Variants in HYKK observed in about 807,000 individuals in gnomAD.
HYKK encodes the protein hydroxylysine kinase.
A neutral mutation model predicts 29.7 loss-of-function variants in HYKK; 19 were observed. The observed-to-expected ratio is 0.64, with a 90% CI of 0.45 to 0.94. The LOEUF (loss-of-function observed/expected upper bound fraction) is 0.94. Ranked by LOEUF, HYKK falls within the 40% of genes least tolerant of loss-of-function variation. The pLI is 0.00. For missense variants in HYKK, 390 were observed against 443.4 expected, an observed-to-expected ratio of 0.88 and a Z score of 1.08; for synonymous variants, 152 against 158.1, an observed-to-expected ratio of 0.96 and a Z score of 0.29.
chr15:78,525,560 C>T (rs572409997), intron 3 of HYKK, among the ~76,000 whole-genome samples: 20 of 151,868 alleles, frequency 1.3e-4, no homozygotes, highest in African/African-American at 1.7e-4. Context: ...TGCAGTGGCG[C>T]GATCTCAGCT....
intron 4 of HYKK, among the ~76,000 whole-genome samples, chr15:78,530,089 G>C (rs529156198): frequency 1.3e-5 from 2 of 151,998 alleles, no homozygotes; most frequent in Non-Finnish European, 2.9e-5. Flanking sequence ...TCCCACCTTA[G>C]CTTCCCAAAG....
chr15:78,530,381 T>C (rs1458114877), intron 4 of HYKK, among the ~76,000 whole-genome samples: 4 of 152,038 alleles, frequency 2.6e-5, no homozygotes, highest in African/African-American at 9.7e-5. Context: ...TTTTGTATTA[T>C]TATTCATGGG....
At chr15:78,508,159 CTT>C (rs1426003243) in intron 1 of HYKK, among the ~76,000 whole-genome samples, 1 of 152,190 alleles carries the variant, frequency 6.6e-6, no homozygotes, top group Non-Finnish European at 1.5e-5. Flanking sequence ...GCACTGTTGT[CTT>C]TGAAAAACTG....
rs900308817 is a variant in HYKK, at chr15:78,529,900, C to T, written c.661+2337C>T. Among the ~76,000 whole-genome samples, 64 of 151,796 alleles carry T rather than the reference C, an allele frequency of 4.2e-4. 1 individual carries two copies. Among genetic ancestry groups the T allele is most frequent in the Non-Finnish European group, 1.8e-4 (12 of 67,986 alleles). On this transcript the variant is annotated intron_variant, in intron 4 of 4. Transcript: ENST00000388988. ...TCACCCAGGCTGGAGTGCAGTGGTACGATCACAGCTCACTGCAGCTTCGAC... is the reference window on the plus strand; with the variant it reads ...TCACCCAGGCTGGAGTGCAGTGGTATGATCACAGCTCACTGCAGCTTCGAC...
At chr15:78,523,316 G>A (rs539358173) in intron 3 of HYKK, among the ~76,000 whole-genome samples, 4 of 152,150 alleles carry the variant, frequency 2.6e-5, no homozygotes, top group Non-Finnish European at 5.9e-5. Context: ...GAGAGAGCAA[G>A]CCGGGGGTGC....
intron 4 of HYKK, among the ~76,000 whole-genome samples, chr15:78,531,453 T>G (rs1427623918): frequency 6.6e-6 from 1 of 152,188 alleles, no homozygotes; most frequent in Non-Finnish European, 1.5e-5. Flanking sequence ...AAAGCACATG[T>G]TAAAGTATAT....
At chr15:78,523,475 G>A (rs1390763833) in intron 3 of HYKK, among the ~76,000 whole-genome samples, 3 of 152,194 alleles carry the variant, frequency 2.0e-5, no homozygotes, top group Non-Finnish European at 4.4e-5. Flanking sequence ...GGGGATTACA[G>A]TTTGGCATGA....
downstream of HYKK, chr15:78,537,366 A>T: frequency 1.6e-6 from 1 of 606,118 alleles, no homozygotes; most frequent in South Asian, 2.1e-5. Flanking sequence ...GTAAGAATGA[A>T]CACACCACTA....
intron 1 of HYKK, among the ~76,000 whole-genome samples, chr15:78,510,249 C>T (rs911769930): frequency 2.0e-5 from 3 of 151,922 alleles, no homozygotes; most frequent in Admixed American, 6.6e-5. Flanking sequence ...GTGACGCAGT[C>T]TCATCTCACT....
chr15:78,523,215 G>A lies in HYKK; in HGVS notation c.478-4165G>A, dbSNP rs564561145. Among the ~76,000 whole-genome samples, 4 of 152,302 alleles carry A rather than the reference G, an allele frequency of 2.6e-5. No homozygotes were observed. The South Asian group carries it at 8.3e-4, about 32-fold the overall frequency. ...TGCAGGCTGTACAGAAAGCATAGTG[G>A]CTTCTGCTTCTGAGGAGGCCTCAGG... On this transcript the variant is annotated intron_variant, in intron 3 of 4. Transcript: ENST00000388988.
At position 78,534,728 on chromosome 15, in the gene HYKK, G is replaced by T. The variant is rs941975106; in HGVS notation, c.*1058G>T. ...AAAAAATTTTAACTTGTCTGAGAGGGTGGTTGAAACTGGAACTCCAGAGAT... is the reference window on the plus strand; with the variant it reads ...AAAAAATTTTAACTTGTCTGAGAGGTTGGTTGAAACTGGAACTCCAGAGAT... On this transcript the variant is annotated 3_prime_UTR_variant, in exon 5 of 5. Coordinates refer to ENST00000388988, the MANE Select transcript of HYKK (RefSeq NM_001013619.4). 6.6e-6 allele frequency: 1 copy of T among 152,176 alleles called. No individual in the cohort carries two copies. The highest frequency in any genetic ancestry group is 1.5e-5 in the Non-Finnish European group (1 of 68,044). 9.4% of individuals were successfully genotyped at this position (152,176 alleles called of 1,614,324 possible).
At chr15:78,522,891 GAAAA>G (rs1028494554) in intron 3 of HYKK, among the ~76,000 whole-genome samples, 4 of 151,444 alleles carry the variant, frequency 2.6e-5, no homozygotes, top group South Asian at 2.1e-4. Context: ...AAAAAAAAAA[GAAAA>G]AAGAGAGAGA....
intron 1 of HYKK, among the ~76,000 whole-genome samples, chr15:78,512,697 C>T (rs2052086852): frequency 6.6e-6 from 1 of 152,074 alleles, no homozygotes; most frequent in Admixed American, 6.6e-5. Flanking sequence ...CCACCACGTC[C>T]AGCCCCAGAG....
At chr15:78,519,824 A>G (rs1383389577) in intron 3 of HYKK, among the ~76,000 whole-genome samples, 4 of 152,218 alleles carry the variant, frequency 2.6e-5, no homozygotes, top group Non-Finnish European at 2.9e-5. Flanking sequence ...AAGTCTGTCT[A>G]CCTTCCTCAG....
At chr15:78,517,109 C>CTTTTT (rs34680285) in intron 3 of HYKK, among the ~76,000 whole-genome samples, 273 of 108,372 alleles carry the variant, frequency 2.5e-3, no homozygotes, top group Middle Eastern at 5.7e-3. Flanking sequence ...TTCTTTCTTT[C>CTTTTT]TTTTTTTTTT....
chr15:78,517,752 C>A (rs1397261563), intron 3 of HYKK, among the ~76,000 whole-genome samples: 1 of 152,106 alleles, frequency 6.6e-6, no homozygotes, highest in East Asian at 1.9e-4. Context: ...GCTTTTACTA[C>A]TTGATAGATG....
rs79093205 is a variant in HYKK, at chr15:78,526,031, G to A, written c.478-1349G>A. ...TCTCAACTGTGGGTCACAAGATCCA[G>A]GTCCTCCCTCAGCCTTATAATAACA... is the stretch of plus-strand genomic sequence containing the variant. On this transcript the variant is annotated intron_variant, in intron 3 of 4. Transcript: ENST00000388988. Among the ~76,000 whole-genome samples, 1,405 of 152,244 alleles carry A rather than the reference G, an allele frequency of 9.2e-3. 135 individuals carry two copies. The East Asian group carries it at 0.24, about 26-fold the overall frequency.
At chr15:78,514,924 ATAT>A in intron 2 of HYKK, 41 bp from the exon 3 acceptor site, 1 of 760,484 alleles carries the variant, frequency 1.3e-6, no homozygotes, top group Non-Finnish European at 1.8e-6. Context: ...ATATATATAT[ATAT>A]AAATAATTTA....
At chr15:78,509,114 CAT>C (rs1337693426) in intron 1 of HYKK, among the ~76,000 whole-genome samples, 1 of 151,834 alleles carries the variant, frequency 6.6e-6, no homozygotes, top group African/African-American at 2.4e-5. Flanking sequence ...GTCTGATAAA[CAT>C]ATTTTTTTCT....
Sources: gnomAD v4.1 joint callset for allele counts (sites outside exome capture counted in the v4.1 genomes callset) on GRCh38, gnomAD v4.1.1 for gene constraint, MANE v1.5 for transcripts, NCBI Gene and HGNC (gene_info 2026-07-23, HGNC 2026-07-21) for gene names.